MAML3: variants seen among roughly 807,000 people sequenced by gnomAD.
MAML3 encodes mastermind-like protein 3.
Under a neutral mutation model 101.9 loss-of-function variants are expected in MAML3, and 27 were observed. The observed-to-expected ratio is 0.27, with a 90% CI of 0.20 to 0.37. The LOEUF (loss-of-function observed/expected upper bound fraction) is 0.37, where lower values mean the gene tolerates loss of function less well. MAML3 is among the 10% of genes least tolerant of loss of function. The pLI is 1.00. For missense variants in MAML3, 1,316 were observed against 1,444.9 expected (o/e 0.91, Z 1.45); for synonymous variants, 501 against 555.9 (o/e 0.90, Z 1.39).
chr4:139,804,116 T>C (rs1262335854), intron 2 of MAML3, among the ~76,000 whole-genome samples: 1 of 152,144 alleles, frequency 6.6e-6, no homozygotes, highest in East Asian at 1.9e-4. Flanking sequence ...CTCAGTCTTC[T>C]CATCTGATGA....
intron 1 of MAML3, among the ~76,000 whole-genome samples, chr4:140,083,963 CACACAGAGAGAGAG>C (rs758865808): frequency 0.012 from 840 of 67,346 alleles, 1 homozygote; most frequent in African/African-American, 0.018. Context: ...CACACACACA[CACACAGAGAGAGAG>C]AGAGAGAGAG....
At chr4:140,084,687 C>A (rs7697940) in intron 1 of MAML3, among the ~76,000 whole-genome samples, 3,052 of 152,174 alleles carry the variant, frequency 0.02, 101 homozygotes, top group African/African-American at 0.068. Flanking sequence ...CAAAATGAAA[C>A]GACTCATAAA....
At chr4:140,129,998 CT>C (rs1282533104) in intron 1 of MAML3, among the ~76,000 whole-genome samples, 5 of 151,572 alleles carry the variant, frequency 3.3e-5, no homozygotes, top group African/African-American at 1.2e-4. Flanking sequence ...ACAAAACAAC[CT>C]AATATTTGTT....
intron 1 of MAML3, among the ~76,000 whole-genome samples, chr4:139,922,221 A>T (rs1435385322): frequency 6.6e-6 from 1 of 152,060 alleles, no homozygotes; most frequent in East Asian, 1.9e-4. Context: ...TTGCTTTTTA[A>T]TTCCAAGGGG....
chr4:140,064,116 T>G (rs1194883476), intron 1 of MAML3, among the ~76,000 whole-genome samples: 1 of 152,230 alleles, frequency 6.6e-6, no homozygotes, highest in East Asian at 1.9e-4. Flanking sequence ...AAATCAGACG[T>G]AAACTTTGTA....
intron 2 of MAML3, among the ~76,000 whole-genome samples, chr4:139,856,381 G>C (rs1731663831): frequency 6.6e-6 from 1 of 152,200 alleles, no homozygotes; most frequent in African/African-American, 2.4e-5. Context: ...GGAAAAAGGA[G>C]AACTACAAGG....
At chr4:139,766,693 T>G (rs1012757722) in intron 2 of MAML3, among the ~76,000 whole-genome samples, 9 of 152,234 alleles carry the variant, frequency 5.9e-5, no homozygotes, top group African/African-American at 2.2e-4. Flanking sequence ...AGTCCGCCAT[T>G]TCCTTCTACC....
chr4:140,030,019 G>A lies in MAML3; in HGVS notation c.468+122841C>T, dbSNP rs569295096. On this transcript the variant is annotated intron_variant, in intron 1 of 4. Transcript: ENST00000509479. ...CATTTAGGAGTGCATTTAACATTCT[G>A]TGAGTAGGAAGAAACGAAAAGGATG... is the stretch of plus-strand genomic sequence containing the variant. Among the ~76,000 whole-genome samples, 5 of 151,084 alleles carry A rather than the reference G, an allele frequency of 3.3e-5. No individual in the cohort carries two copies. The South Asian group carries it at 1.0e-3, about 31-fold the overall frequency.
Position 139,975,948 on chromosome 4 carries a change from G to A in MAML3, c.469-84981C>T, listed in dbSNP as rs11937332. ...TAGGAGAATGTTAGGGGCAAAAGAG[G>A]AACTGAAAATGTACTGAAAATAAAA... On this transcript the variant is annotated intron_variant, in intron 1 of 4. Coordinates refer to ENST00000509479, the MANE Select transcript of MAML3 (RefSeq NM_018717.5). 8.4e-3 allele frequency among the ~76,000 whole-genome samples: 1,273 copies of A among 152,170 alleles called. 18 individuals carry two copies. The highest frequency in any genetic ancestry group is 0.029 in the African/African-American group (1,207 of 41,516).
intron 2 of MAML3, among the ~76,000 whole-genome samples, chr4:139,851,768 T>C (rs1731559275): frequency 6.6e-6 from 1 of 152,194 alleles, no homozygotes; most frequent in Non-Finnish European, 1.5e-5. Flanking sequence ...TCTTGGCGCA[T>C]AGGTATATGT....
chr4:139,788,343 T>G (rs187053997), intron 2 of MAML3, among the ~76,000 whole-genome samples: 1 of 152,272 alleles, frequency 6.6e-6, no homozygotes, highest in Admixed American at 6.5e-5. Context: ...TTCTTTTAAT[T>G]GAATAGAAAC....
chr4:139,798,995 T>C (rs1004455729), intron 2 of MAML3, among the ~76,000 whole-genome samples: 3 of 152,188 alleles, frequency 2.0e-5, no homozygotes, highest in South Asian at 4.1e-4. Context: ...CTGAATTCCT[T>C]GGTCTGTAAG....
chr4:140,086,154 A>G (rs1481275436), intron 1 of MAML3, among the ~76,000 whole-genome samples: 1 of 152,218 alleles, frequency 6.6e-6, no homozygotes, highest in Non-Finnish European at 1.5e-5. Context: ...GTACATATAC[A>G]TAAAACATTA....
At chr4:139,999,462 A>C (rs1407188004) in intron 1 of MAML3, among the ~76,000 whole-genome samples, 1 of 152,230 alleles carries the variant, frequency 6.6e-6, no homozygotes, top group Non-Finnish European at 1.5e-5. Context: ...CAGTTTTTCT[A>C]GTATAAATGC....
intron 1 of MAML3, among the ~76,000 whole-genome samples, chr4:139,897,021 T>C (rs1193891588): frequency 1.3e-5 from 2 of 152,126 alleles, no homozygotes; most frequent in African/African-American, 4.8e-5. Context: ...GACAAAGAGG[T>C]CTTTTATTCC....
intron 1 of MAML3, among the ~76,000 whole-genome samples, chr4:139,894,650 C>T (rs1480258977): frequency 6.6e-6 from 1 of 152,150 alleles, no homozygotes; most frequent in Non-Finnish European, 1.5e-5. Context: ...ACATCAAACA[C>T]AGCCCATAGT....
In MAML3 at chr4:139,889,457, C is replaced by G; in HGVS notation, c.1979G>C (p.Arg660Thr). 1 of 1,613,918 alleles carries G rather than the reference C, an allele frequency of 6.2e-7. No homozygotes were observed. The highest frequency in any genetic ancestry group is 8.5e-7 in the Non-Finnish European group (1 of 1,179,888). The stretch of plus-strand genomic sequence containing the variant: ...TTTCTGGTCTTCGCTCAGGTGTGCC[C>G]TGGGGGCCTGGAGCTGTGGAGGTGG... ...QPPPPQLQAP[R>T]AHLSEDQKRL... Residue 660 changes from arginine (R) to threonine (T), a missense_variant, in exon 2 of 5, where the codon AGG (arginine) becomes ACG (threonine). Transcript: ENST00000509479.
chr4:139,758,945 T>C (rs924222207), intron 2 of MAML3, among the ~76,000 whole-genome samples: 2 of 152,214 alleles, frequency 1.3e-5, no homozygotes, highest in Admixed American at 1.3e-4. Flanking sequence ...GAACCTCTCT[T>C]GATGAGAATC....
At chr4:139,928,183 C>A (rs1414842063) in intron 1 of MAML3, among the ~76,000 whole-genome samples, 1 of 152,156 alleles carries the variant, frequency 6.6e-6, no homozygotes, top group Non-Finnish European at 1.5e-5. Flanking sequence ...ATAACTGTTT[C>A]TCCATCAATG....
Sources: allele counts gnomAD v4.1 joint callset (sites outside exome capture counted in the v4.1 genomes callset), GRCh38; gene constraint gnomAD v4.1.1; transcripts MANE v1.5; gene names NCBI Gene and HGNC (gene_info 2026-07-23, HGNC 2026-07-21).